DDX60: variants seen among roughly 807,000 people sequenced by gnomAD.
DDX60 encodes probable ATP-dependent RNA helicase DDX60.
In DDX60, 165 loss-of-function variants were observed where a neutral mutation model predicts 212.8. The observed-to-expected ratio is 0.78, with a 90% CI of 0.68 to 0.88. The LOEUF (loss-of-function observed/expected upper bound fraction) is 0.88. Among genes scored for constraint, DDX60 ranks in the 40% least tolerant of loss-of-function variants. The pLI is 0.00. For synonymous variants in DDX60, 703 were observed against 685.3 expected (o/e 1.03, Z -0.40); for missense variants, 1,905 against 2,003.9 (o/e 0.95, Z 0.94).
chr4:168,315,821 T>A (rs1204059189), intron 1 of DDX60, among the ~76,000 whole-genome samples: 5 of 152,238 alleles, frequency 3.3e-5, no homozygotes, highest in African/African-American at 1.2e-4. Context: ...TTATCCAGCC[T>A]ATCATTAATG....
intron 8 of DDX60, among the ~76,000 whole-genome samples, chr4:168,288,680 G>A (rs539681795): frequency 1.3e-5 from 2 of 152,232 alleles, no homozygotes; most frequent in South Asian, 4.1e-4. Context: ...AATATGTTCA[G>A]ATTCAACCTT....
At chr4:168,244,141 T>C (rs774063680) in intron 30 of DDX60, among the ~76,000 whole-genome samples, 7 of 152,114 alleles carry the variant, frequency 4.6e-5, no homozygotes, top group African/African-American at 7.2e-5. Flanking sequence ...AAATAACTAA[T>C]GCATGCTACG....
intron 19 of DDX60, among the ~76,000 whole-genome samples, chr4:168,270,786 A>C (rs1231493026): frequency 6.6e-6 from 1 of 152,122 alleles, no homozygotes; most frequent in African/African-American, 2.4e-5. Context: ...TCCCCTTTGA[A>C]TGTAAAATTC....
chr4:168,267,774 G>A, intron 21 of DDX60, 67 bp downstream of exon 21: 1 of 1,544,508 alleles, frequency 6.5e-7, no homozygotes, highest in Non-Finnish European at 8.8e-7. Context: ...TCAAGATCAA[G>A]GCAATGGCAG....
intron 14 of DDX60, among the ~76,000 whole-genome samples, chr4:168,279,176 T>C (rs1187254974): frequency 6.6e-6 from 1 of 152,202 alleles, no homozygotes; most frequent in Non-Finnish European, 1.5e-5. Context: ...TCTTCTTGTG[T>C]TCTGGCAACA....
chr4:168,272,697 G>A (rs1304024413), intron 18 of DDX60, among the ~76,000 whole-genome samples: 1 of 152,188 alleles, frequency 6.6e-6, no homozygotes, highest in African/African-American at 2.4e-5. Flanking sequence ...GGCAGAACTG[G>A]GGGAGCTGAT....
chr4:168,275,884 G>T, intron 15 of DDX60, 131 bp downstream of exon 15: 3 of 750,746 alleles, frequency 4.0e-6, no homozygotes, highest in South Asian at 3.0e-5. Context: ...TTGGGCAGTT[G>T]GGTTACTACT....
At chr4:168,298,296 C>T (rs1736497891) in intron 6 of DDX60, among the ~76,000 whole-genome samples, 2 of 151,884 alleles carry the variant, frequency 1.3e-5, no homozygotes, top group Admixed American at 1.3e-4. Context: ...TGAGACTTAC[C>T]TATAAAAGAA....
chr4:168,219,404 G>T (rs1732969860), intron 37 of DDX60, among the ~76,000 whole-genome samples: 1 of 152,148 alleles, frequency 6.6e-6, no homozygotes, highest in Admixed American at 6.6e-5. Flanking sequence ...TTGATTGATT[G>T]ATTTCCTTGC....
At chr4:168,272,720 T>C (rs1299468299) in intron 18 of DDX60, among the ~76,000 whole-genome samples, 2 of 152,210 alleles carry the variant, frequency 1.3e-5, no homozygotes, top group Non-Finnish European at 2.9e-5. Flanking sequence ...CTGGCATCTA[T>C]CTTAACCACA....
At chr4:168,274,306 T>C (rs1306960011) in intron 16 of DDX60, among the ~76,000 whole-genome samples, 1 of 152,198 alleles carries the variant, frequency 6.6e-6, no homozygotes, top group Non-Finnish European at 1.5e-5. Flanking sequence ...CTGAACAAAA[T>C]ATCTTATTAT....
At position 168,288,177 on chromosome 4, in the gene DDX60, T is replaced by G. The variant is rs781186208; in HGVS notation, c.1180A>C (p.Lys394Gln). 5 of 1,474,428 alleles carry G rather than the reference T, an allele frequency of 3.4e-6. No individual in the cohort carries two copies. Among genetic ancestry groups the G allele is most frequent in the Non-Finnish European group, 4.6e-6 (5 of 1,083,028 alleles). The allele number at this position is 1,474,428 out of a possible 1,614,324, so 91.3% of individuals were successfully genotyped here. A position where few individuals can be genotyped will look rare whatever the true frequency, so the allele number is the denominator to read the frequency against. Residue 394 changes from lysine (K) to glutamine (Q), a missense_variant, in exon 9 of 38, where the codon AAA becomes CAA. Physicochemically the swap from Lys to Gln is moderately conservative, Grantham distance 53. Transcript: ENST00000393743. The stretch of plus-strand genomic sequence containing the variant: ...TTATAATATACTGAGATGGTACCTT[T>G]TACATTTTCATTTTCATAGTAAAAA... ...IAFYYENENV[K>Q]GLHLNLGDTI... is the part of the protein sequence containing the mutation.
chr4:168,278,802 TG>T (rs1346868013), intron 14 of DDX60, among the ~76,000 whole-genome samples: 1 of 152,168 alleles, frequency 6.6e-6, no homozygotes, highest in Non-Finnish European at 1.5e-5. Flanking sequence ...CACTCCAGTC[TG>T]GTGACAGAGC....
chr4:168,272,347 T>C (rs1045604613), intron 18 of DDX60, among the ~76,000 whole-genome samples: 4 of 152,220 alleles, frequency 2.6e-5, no homozygotes, highest in African/African-American at 9.6e-5. Flanking sequence ...AGGCCAAAAA[T>C]GGTAGAAAAT....
upstream of DDX60, chr4:168,318,796 T>A (rs886252266): frequency 2.0e-5 from 3 of 152,208 alleles, no homozygotes; most frequent in Admixed American, 1.3e-4. Flanking sequence ...CCGGCGGGAG[T>A]TTCGGTTTCC....
chr4:168,225,636 A>G lies in DDX60; in HGVS notation c.4574T>C (p.Leu1525Ser). 2 of 1,611,798 alleles carry G rather than the reference A, an allele frequency of 1.2e-6. No individual in the cohort carries two copies. Among genetic ancestry groups the G allele is most frequent in the Non-Finnish European group, 1.7e-6 (2 of 1,178,846 alleles). Residue 1525 changes from leucine (L) to serine (S), a missense_variant, in exon 34 of 38, where the codon TTA (leucine) becomes TCA (serine). Coordinates refer to ENST00000393743, the MANE Select transcript of DDX60 (RefSeq NM_017631.6). Reference sequence around the variant, plus strand: ...CATAATTTTCATGTTATATTCATCTAAAGCATCACTAAAATCCTCAGGGAG... The same window carrying G: ...CATAATTTTCATGTTATATTCATCTGAAGCATCACTAAAATCCTCAGGGAG... ...DDLPEDFSDALDEYNMKIMED... is the reference protein window; with the variant it reads ...DDLPEDFSDASDEYNMKIMED...
intron 25 of DDX60, among the ~76,000 whole-genome samples, chr4:168,259,394 C>A (rs1009841164): frequency 3.3e-5 from 5 of 152,090 alleles, no homozygotes; most frequent in African/African-American, 7.2e-5. Context: ...CTTGGCAGTG[C>A]AGAAATGTAT....
intron 35 of DDX60, among the ~76,000 whole-genome samples, chr4:168,222,711 G>A (rs1335915933): frequency 6.6e-6 from 1 of 152,060 alleles, no homozygotes; most frequent in East Asian, 1.9e-4. Context: ...GTTGGTAGTA[G>A]CTTGAAAAGT....
At chr4:168,285,537 G>A in intron 10 of DDX60, 39 bp from the exon 11 acceptor site, 1 of 1,291,216 alleles carries the variant, frequency 7.7e-7, no homozygotes, top group Non-Finnish European at 1.1e-6. Context: ...AAGGTCAAAT[G>A]TAAAGCTTTC....
Sources: allele counts gnomAD v4.1 joint callset (sites outside exome capture counted in the v4.1 genomes callset), GRCh38; gene constraint gnomAD v4.1.1; transcripts MANE v1.5; gene names NCBI Gene and HGNC (gene_info 2026-07-23, HGNC 2026-07-21).